FUT8: variants seen among roughly 807,000 people sequenced by gnomAD.
The protein encoded by FUT8 is fucosyltransferase 8, also known as alpha-(1,6)-fucosyltransferase.
Under a neutral mutation model 71.3 loss-of-function variants are expected in FUT8, and 29 were observed. The ratio of observed to expected loss-of-function variants is 0.41; its 90% CI spans 0.30 to 0.55. The LOEUF (loss-of-function observed/expected upper bound fraction) is 0.55. FUT8 is among the 20% of genes least tolerant of loss of function. The pLI, the probability that FUT8 is intolerant of heterozygous loss-of-function variation, is 0.34. For synonymous variants in FUT8, 254 were observed against 239.3 expected (o/e 1.06, Z -0.57); for missense variants, 544 against 702.1 (o/e 0.77, Z 2.55).
intron 6 of FUT8, among the ~76,000 whole-genome samples, chr14:65,654,757 A>G (rs1264235843): frequency 6.6e-6 from 1 of 152,210 alleles, no homozygotes; most frequent in Non-Finnish European, 1.5e-5. Flanking sequence ...CAACAAAAGG[A>G]GCAAATAAAA....
chr14:65,418,532 T>C (rs2065250546), intron 1 of FUT8, among the ~76,000 whole-genome samples: 1 of 152,230 alleles, frequency 6.6e-6, no homozygotes, highest in African/African-American at 2.4e-5. Flanking sequence ...ATTAATACAA[T>C]TGATAGTAAT....
chr14:65,404,736 G>C, the FUT8 span, among the ~76,000 whole-genome samples: 2 of 152,182 alleles, frequency 1.3e-5, 1 homozygote, highest in South Asian at 4.1e-4. Flanking sequence ...GCCTCCCCAA[G>C]TGCTGGGATT....
intron 2 of FUT8, among the ~76,000 whole-genome samples, chr14:65,481,313 G>A (rs1016685166): frequency 6.6e-6 from 1 of 151,926 alleles, no homozygotes; most frequent in Non-Finnish European, 1.5e-5. Flanking sequence ...TTTTGTTGTT[G>A]AGTTTTAGGG....
At chr14:65,395,637 G>A in the FUT8 span, among the ~76,000 whole-genome samples, 98 of 151,956 alleles carry the variant, frequency 6.4e-4, 1 homozygote, top group Non-Finnish European at 2.4e-4. Context: ...CACACAGCAA[G>A]GGGTCCCTGG....
At chr14:65,358,938 G>A in the FUT8 span, among the ~76,000 whole-genome samples, 4 of 152,070 alleles carry the variant, frequency 2.6e-5, no homozygotes, top group Non-Finnish European at 5.9e-5. Context: ...CCCCAAATAA[G>A]GACATTCTCC....
intron 6 of FUT8, among the ~76,000 whole-genome samples, chr14:65,662,576 AATACTC>A (rs1219562698): frequency 6.6e-6 from 1 of 152,212 alleles, no homozygotes; most frequent in African/African-American, 2.4e-5. Flanking sequence ...TTGCAACACT[AATACTC>A]AAAAAGAACA....
chr14:65,445,271 A>T (rs1315019603), intron 1 of FUT8, among the ~76,000 whole-genome samples: 2 of 152,170 alleles, frequency 1.3e-5, no homozygotes, highest in African/African-American at 4.8e-5. Flanking sequence ...AGGATGTAAC[A>T]TTTGTCTCAT....
At chr14:65,387,613 C>A in the FUT8 span, among the ~76,000 whole-genome samples, 2 of 152,194 alleles carry the variant, frequency 1.3e-5, no homozygotes, top group Non-Finnish European at 2.9e-5. Context: ...GACTCCGCCT[C>A]TCTGAATTCT....
chr14:65,548,086 A>G (rs1346090263), intron 2 of FUT8, among the ~76,000 whole-genome samples: 1 of 152,000 alleles, frequency 6.6e-6, no homozygotes, highest in Admixed American at 6.6e-5. Flanking sequence ...GAATGTCCCC[A>G]GATGAGGATT....
At position 65,704,133 on chromosome 14, in the gene FUT8, TTGTGAAACATC is replaced by T. The variant is rs1894446128; in HGVS notation, c.836-17640_836-17630del. Reference sequence around the variant, plus strand: ...AAAATTACAAATAGCCTTAAAGCCATTGTGAAACATCTCATTCGTAACTCCTCAAGTATGCT... The same window carrying T: ...AAAATTACAAATAGCCTTAAAGCCATTCATTCGTAACTCCTCAAGTATGCT... On this transcript the variant is annotated intron_variant, in intron 7 of 10. Coordinates refer to ENST00000673929, the MANE Select transcript of FUT8 (RefSeq NM_001371533.1). 2.0e-5 allele frequency among the ~76,000 whole-genome samples: 3 copies of T among 152,250 alleles called. No individual in the cohort carries two copies. In the South Asian group the frequency reaches 6.2e-4, roughly 32 times the overall value.
upstream of FUT8, among the ~76,000 whole-genome samples, chr14:65,409,130 A>G (rs1350010741): frequency 6.6e-6 from 1 of 152,226 alleles, no homozygotes; most frequent in Non-Finnish European, 1.5e-5. The surrounding 1 kb of genome is among the most constrained non-coding windows in gnomAD (Gnocchi z 5.4). Context: ...GGGTAAAATG[A>G]TTATCTCAAG....
At chr14:65,595,267 G>A (rs1396615599) in intron 3 of FUT8, among the ~76,000 whole-genome samples, 1 of 152,164 alleles carries the variant, frequency 6.6e-6, no homozygotes, top group Non-Finnish European at 1.5e-5. Flanking sequence ...ATGAGAGGAT[G>A]TAATAATCAG....
intron 7 of FUT8, among the ~76,000 whole-genome samples, chr14:65,702,786 T>G (rs969711955): frequency 6.6e-5 from 10 of 151,980 alleles, no homozygotes; most frequent in Admixed American, 3.3e-4. Flanking sequence ...GTCGCCAGGC[T>G]GGAGTGCAGT....
intron 3 of FUT8, among the ~76,000 whole-genome samples, chr14:65,612,658 T>G (rs1889060314): frequency 6.6e-6 from 1 of 152,198 alleles, no homozygotes; most frequent in Non-Finnish European, 1.5e-5. Flanking sequence ...ATGTACTGGC[T>G]CCATCTGCAT....
chr14:65,392,953 G>A, the FUT8 span, among the ~76,000 whole-genome samples: 10 of 152,246 alleles, frequency 6.6e-5, no homozygotes, highest in East Asian at 1.2e-3. Context: ...AAAATGATTC[G>A]CTGTTTATTT....
Position 65,717,530 on chromosome 14 carries a change from C to T in FUT8, c.836-4245C>T, listed in dbSNP as rs547918405. ...CCTCACCTCCCAGACGAAGGGCGGC[C>T]GGGCAGAGGCGCTCCTCACATCCCA... is the stretch of plus-strand genomic sequence containing the variant. On this transcript the variant is annotated intron_variant, in intron 7 of 10. Transcript: ENST00000673929. Among the ~76,000 whole-genome samples the T allele has an allele frequency of 4.1e-4, 52 of 126,004 alleles. 1 individual carries two copies. Among genetic ancestry groups the T allele is most frequent in the East Asian group, 3.6e-3 (14 of 3,934 alleles). 82.7% of individuals were successfully genotyped at this position (126,004 alleles called of 152,430 possible).
chr14:65,711,941 A>G (rs1894826736), intron 7 of FUT8, among the ~76,000 whole-genome samples: 1 of 152,222 alleles, frequency 6.6e-6, no homozygotes, highest in South Asian at 2.1e-4. Context: ...AACATTTTGC[A>G]TATATACAGG....
intron 3 of FUT8, among the ~76,000 whole-genome samples, chr14:65,604,244 C>T (rs1244121930): frequency 4.0e-5 from 6 of 151,838 alleles, no homozygotes; most frequent in Non-Finnish European, 8.8e-5. Context: ...TACCCTGGAA[C>T]AAATGAACTT....
chr14:65,406,060 C>T (rs538429850), upstream of FUT8, among the ~76,000 whole-genome samples: 18 of 152,140 alleles, frequency 1.2e-4, no homozygotes, highest in Admixed American at 2.0e-4. Context: ...TATAGGTATA[C>T]GTTAAAATTA....
Sources: gnomAD v4.1 joint callset for allele counts (sites outside exome capture counted in the v4.1 genomes callset) on GRCh38, gnomAD v4.1.1 for gene constraint, Gnocchi (gnomAD v3.1) non-coding constraint, MANE v1.5 for transcripts, NCBI Gene and HGNC (gene_info 2026-07-23, HGNC 2026-07-21) for gene names.